Variants in PARD3 observed in about 807,000 individuals in gnomAD.
PARD3 encodes the protein par-3 family cell polarity regulator.
A neutral mutation model predicts 155.4 loss-of-function variants in PARD3; 75 were observed. The observed-to-expected ratio is 0.48, with a 90% CI of 0.40 to 0.58. The LOEUF (loss-of-function observed/expected upper bound fraction) is 0.58, where lower values mean the gene tolerates loss of function less well. Ranked by LOEUF, PARD3 falls within the 20% of genes least tolerant of loss-of-function variation. The pLI, the probability that PARD3 is intolerant of heterozygous loss-of-function variation, is 0.00. For missense variants in PARD3, 1,642 were observed against 1,721.7 expected (o/e 0.95, Z 0.82); for synonymous variants, 576 against 610.5 (o/e 0.94, Z 0.83).
At position 34,387,067 on chromosome 10, in the gene PARD3, T is replaced by G. The variant is rs202137128; in HGVS notation, c.891-2813A>C. 1.4e-4 allele frequency among the ~76,000 whole-genome samples: 21 copies of G among 152,198 alleles called. No homozygotes were observed. The East Asian group carries it at 4.1e-3, about 29-fold the overall frequency. On this transcript the variant is annotated intron_variant, in intron 7 of 24. Coordinates refer to ENST00000374788, the MANE Select transcript of PARD3 (RefSeq NM_001184785.2). ...GCCACCACTATAAACCAGACACACTTTGGAATGTGTATGCTTTCAGTCCTT... is the reference window on the plus strand; with the variant it reads ...GCCACCACTATAAACCAGACACACTGTGGAATGTGTATGCTTTCAGTCCTT...
At chr10:34,677,224 TAATCCCAG>T (rs2093725212) in intron 2 of PARD3, among the ~76,000 whole-genome samples, 1 of 152,126 alleles carries the variant, frequency 6.6e-6, no homozygotes, top group Non-Finnish European at 1.5e-5. Flanking sequence ...CTCACACCTA[TAATCCCAG>T]AACTTTGGGA....
chr10:34,348,091 CA>C lies in PARD3; in HGVS notation c.2091del (p.Gly698AspfsTer41). On this transcript the variant is annotated frameshift_variant, in exon 15 of 25. Transcript: ENST00000374788. LOFTEE classifies it high-confidence loss of function. ...GCTGTTTCAATGGGCAGCTCAGGTCCAGGGGGGCTCCCAGGTGACTTCAGCT... is the reference window on the plus strand; with the variant it reads ...GCTGTTTCAATGGGCAGCTCAGGTCCGGGGGGCTCCCAGGTGACTTCAGCT... ...CNELKSPGSPPGPELPIETAL... is the reference protein window; with the variant it reads ...CNELKSPGSPXGPELPIETAL... 1.2e-6 allele frequency: 2 copies of C among 1,610,188 alleles called. No individual in the cohort carries two copies. The highest frequency in any genetic ancestry group is 1.7e-6 in the Non-Finnish European group (2 of 1,178,398).
chr10:34,148,139 T>A (rs1948607335), intron 22 of PARD3, among the ~76,000 whole-genome samples: 1 of 152,042 alleles, frequency 6.6e-6, no homozygotes, highest in Non-Finnish European at 1.5e-5. Context: ...CTGACATACA[T>A]ACGGACACAG....
chr10:34,628,325 T>C (rs962878218), intron 2 of PARD3, among the ~76,000 whole-genome samples: 5 of 152,220 alleles, frequency 3.3e-5, no homozygotes, highest in African/African-American at 4.8e-5. Context: ...AGTGACTCTG[T>C]GTACATATTA....
chr10:34,572,335 T>TG (rs915519937), intron 2 of PARD3, among the ~76,000 whole-genome samples: 8 of 151,988 alleles, frequency 5.3e-5, no homozygotes, highest in African/African-American at 1.9e-4. Flanking sequence ...AGTGAGACCC[T>TG]GTCTCATTAA....
intron 1 of PARD3, among the ~76,000 whole-genome samples, chr10:34,761,162 G>A (rs989444294): frequency 5.9e-5 from 9 of 152,090 alleles, no homozygotes; most frequent in Non-Finnish European, 1.3e-4. Flanking sequence ...TATTATCTCA[G>A]CACTCTGGGA....
At chr10:34,774,052 T>C (rs1839237467) in intron 1 of PARD3, among the ~76,000 whole-genome samples, 1 of 152,188 alleles carries the variant, frequency 6.6e-6, no homozygotes, top group Non-Finnish European at 1.5e-5. Context: ...CCACTACTGC[T>C]TTCCACTAGA....
chr10:34,637,823 G>A (rs1457461589), intron 2 of PARD3, among the ~76,000 whole-genome samples: 2 of 152,194 alleles, frequency 1.3e-5, no homozygotes, highest in Non-Finnish European at 2.9e-5. Context: ...GAAAAACCAA[G>A]TGATCTCTTC....
At chr10:34,605,338 C>T (rs1447666030) in intron 2 of PARD3, among the ~76,000 whole-genome samples, 2 of 148,710 alleles carry the variant, frequency 1.3e-5, no homozygotes, top group African/African-American at 4.9e-5. Flanking sequence ...GACTACAGGG[C>T]GCCTACCACC....
At chr10:34,726,986 G>A (rs909157775) in intron 1 of PARD3, among the ~76,000 whole-genome samples, 2 of 152,068 alleles carry the variant, frequency 1.3e-5, no homozygotes, top group African/African-American at 2.4e-5. Flanking sequence ...GGTAAGCTCA[G>A]ACAAATAAAA....
At chr10:34,781,942 A>T (rs1327525396) in intron 1 of PARD3, among the ~76,000 whole-genome samples, 1 of 152,214 alleles carries the variant, frequency 6.6e-6, no homozygotes, top group Non-Finnish European at 1.5e-5. Context: ...CTGTATAATT[A>T]ATGGATTTTC....
intron 4 of PARD3, among the ~76,000 whole-genome samples, chr10:34,468,757 A>C (rs561728294): frequency 6.6e-6 from 1 of 152,310 alleles, no homozygotes; most frequent in African/African-American, 2.4e-5. Context: ...TATGTTTTCC[A>C]TGTACTTTTT....
At chr10:34,812,384 C>G (rs1448449012) in intron 1 of PARD3, among the ~76,000 whole-genome samples, 1 of 152,214 alleles carries the variant, frequency 6.6e-6, no homozygotes, top group Non-Finnish European at 1.5e-5. Flanking sequence ...CACAACTATC[C>G]AGCCACCCAA....
chr10:34,510,232 C>T (rs1673958720), intron 3 of PARD3, among the ~76,000 whole-genome samples: 1 of 152,176 alleles, frequency 6.6e-6, no homozygotes, highest in Admixed American at 6.5e-5. Context: ...AGCCCACCTG[C>T]AGCTACCTCA....
intron 1 of PARD3, among the ~76,000 whole-genome samples, chr10:34,726,045 C>T (rs1489905505): frequency 6.6e-6 from 1 of 152,128 alleles, no homozygotes; most frequent in African/African-American, 2.4e-5. Context: ...CAATTAGCAC[C>T]ACAAGGATTT....
At chr10:34,652,588 G>GGATGGATC (rs2133068105) in intron 2 of PARD3, among the ~76,000 whole-genome samples, 1 of 152,222 alleles carries the variant, frequency 6.6e-6, no homozygotes, top group African/African-American at 2.4e-5. Flanking sequence ...GCATAGATAC[G>GGATGGATC]GATGGATCGG....
chr10:34,502,374 A>G (rs1413175786), intron 3 of PARD3, among the ~76,000 whole-genome samples: 1 of 152,112 alleles, frequency 6.6e-6, no homozygotes, highest in Non-Finnish European at 1.5e-5. Context: ...AGGCAAGTGG[A>G]CTCCAGAATC....
intron 2 of PARD3, among the ~76,000 whole-genome samples, chr10:34,560,832 C>T (rs1055287510): frequency 6.6e-6 from 1 of 152,054 alleles, no homozygotes; most frequent in African/African-American, 2.4e-5. Flanking sequence ...CAAAGGATAG[C>T]TAGGGGAATA....
At chr10:34,803,250 T>TAAAAA (rs112366679) in intron 1 of PARD3, among the ~76,000 whole-genome samples, 1 of 147,060 alleles carries the variant, frequency 6.8e-6, no homozygotes, top group Non-Finnish European at 1.5e-5. Flanking sequence ...AAAAAATAAA[T>TAAAAA]AATAACAAAA....
Sources: gnomAD v4.1 joint callset for allele counts (sites outside exome capture counted in the v4.1 genomes callset) on GRCh38, gnomAD v4.1.1 for gene constraint, MANE v1.5 for transcripts, NCBI Gene and HGNC (gene_info 2026-07-23, HGNC 2026-07-21) for gene names.